SPATA17: variants seen among roughly 807,000 people sequenced by gnomAD.
The protein encoded by SPATA17 is spermatogenesis associated 17, also known as spermatogenesis-associated protein 17.
In SPATA17, 53 loss-of-function variants were observed where a neutral mutation model predicts 62.2. The ratio of observed to expected loss-of-function variants is 0.85; its 90% confidence interval spans 0.68 to 1.07. The LOEUF (loss-of-function observed/expected upper bound fraction) is 1.07. Among genes scored for constraint, SPATA17 ranks in the 50% least tolerant of loss-of-function variants. The probability of loss-of-function intolerance (pLI) is 0.00; values close to 1 mark genes in which losing one functional copy is unlikely to be tolerated. For missense variants in SPATA17, 466 were observed against 425.5 expected (o/e 1.10, Z -0.84); for synonymous variants, 146 against 146.8 (o/e 0.99, Z 0.04).
chr1:217,670,156 T>C (rs1203795310), intron 4 of SPATA17, among the ~76,000 whole-genome samples: 1 of 152,204 alleles, frequency 6.6e-6, no homozygotes, highest in Admixed American at 6.5e-5. Context: ...TCAGAGGTTT[T>C]GTACAGCTTT....
At chr1:217,689,414 T>C (rs887193805) in intron 5 of SPATA17, among the ~76,000 whole-genome samples, 1 of 151,762 alleles carries the variant, frequency 6.6e-6, no homozygotes, top group Non-Finnish European at 1.5e-5. Context: ...TTAATAGAGA[T>C]GGGGTTTCGC....
intron 9 of SPATA17, among the ~76,000 whole-genome samples, chr1:217,860,264 A>C (rs959985873): frequency 1.3e-5 from 2 of 152,122 alleles, no homozygotes; most frequent in Non-Finnish European, 2.9e-5. Context: ...CCAAGAGCAG[A>C]CGTTGTATGA....
intron 1 of SPATA17, among the ~76,000 whole-genome samples, chr1:217,642,338 C>A (rs984234354): frequency 7.2e-5 from 11 of 152,112 alleles, no homozygotes; most frequent in African/African-American, 2.7e-4. Context: ...AGTATAGACT[C>A]ATAGTTTCCT....
At chr1:217,707,801 A>T (rs991990130) in intron 5 of SPATA17, among the ~76,000 whole-genome samples, 1 of 152,230 alleles carries the variant, frequency 6.6e-6, no homozygotes, top group African/African-American at 2.4e-5. Context: ...CCTCACAATC[A>T]GCCCTAAAAC....
chr1:217,759,521 G>A (rs904162220), intron 6 of SPATA17, among the ~76,000 whole-genome samples: 2 of 152,064 alleles, frequency 1.3e-5, no homozygotes, highest in African/African-American at 4.8e-5. Context: ...ACTGAGTTAA[G>A]GAAAACCTTT....
At chr1:217,864,559 G>C (rs983016434) in intron 10 of SPATA17, among the ~76,000 whole-genome samples, 1 of 151,866 alleles carries the variant, frequency 6.6e-6, no homozygotes, top group African/African-American at 2.4e-5. Context: ...AAACACACTT[G>C]CACCCACTAT....
At chr1:217,808,780 G>A (rs564262257) in intron 9 of SPATA17, among the ~76,000 whole-genome samples, 2 of 151,888 alleles carry the variant, frequency 1.3e-5, no homozygotes, top group African/African-American at 4.8e-5. Flanking sequence ...GCTTGAACCT[G>A]GGAAGCAGAG....
intron 5 of SPATA17, among the ~76,000 whole-genome samples, chr1:217,736,652 A>G (rs1419658783): frequency 6.6e-6 from 1 of 152,178 alleles, no homozygotes; most frequent in African/African-American, 2.4e-5. Context: ...AGCAACATGA[A>G]GTGAGAGGGA....
chr1:217,639,848 A>G (rs1670018880), intron 1 of SPATA17, among the ~76,000 whole-genome samples: 1 of 152,078 alleles, frequency 6.6e-6, no homozygotes, highest in African/African-American at 2.4e-5. Flanking sequence ...TGGTCTCTCA[A>G]TGACATGTGC....
At chr1:217,820,987 C>A (rs1674845131) in intron 9 of SPATA17, among the ~76,000 whole-genome samples, 1 of 152,034 alleles carries the variant, frequency 6.6e-6, no homozygotes, top group African/African-American at 2.4e-5. Context: ...GCAAAGCAGG[C>A]ATGTGCAAAG....
At chr1:217,724,821 C>T (rs529069185) in intron 5 of SPATA17, among the ~76,000 whole-genome samples, 1 of 151,856 alleles carries the variant, frequency 6.6e-6, no homozygotes, top group Non-Finnish European at 1.5e-5. Context: ...TATATTTGTT[C>T]TGTTTGCCTA....
intron 6 of SPATA17, among the ~76,000 whole-genome samples, chr1:217,759,225 G>A (rs1158952789): frequency 2.0e-5 from 3 of 152,138 alleles, no homozygotes; most frequent in Non-Finnish European, 4.4e-5. Flanking sequence ...TTGGGAGGCC[G>A]AGGTGGGTGG....
chr1:217,815,804 G>T (rs549277138), intron 9 of SPATA17, among the ~76,000 whole-genome samples: 1 of 152,292 alleles, frequency 6.6e-6, no homozygotes, highest in South Asian at 2.1e-4. Context: ...TCGGTTTACT[G>T]GAGTGGACTG....
In SPATA17 at chr1:217,869,450, A is replaced by G. The variant is rs1676085739; in HGVS notation, c.*2431A>G. 1 of 152,172 alleles carries G rather than the reference A, an allele frequency of 6.6e-6. No individual in the cohort carries two copies. The allele number at this position is 152,172 out of a possible 1,614,324, so 9.4% of individuals were successfully genotyped here. A position where few individuals can be genotyped will look rare whatever the true frequency, so the allele number is the denominator to read the frequency against. On this transcript the variant is annotated 3_prime_UTR_variant, in exon 11 of 11. Coordinates refer to ENST00000366933, the MANE Select transcript of SPATA17 (RefSeq NM_138796.4). ...AAAGGTGTCAGACTCTTAGTAAATT[A>G]TCTCCTGGATCAGTGAAAAGATGTG...
chr1:217,811,621 C>G (rs113138175), intron 9 of SPATA17, among the ~76,000 whole-genome samples: 1 of 149,676 alleles, frequency 6.7e-6, no homozygotes, highest in Non-Finnish European at 1.5e-5. Context: ...TGAACTTGGG[C>G]GGCGGAGGTT....
intron 8 of SPATA17, among the ~76,000 whole-genome samples, chr1:217,800,687 T>C (rs113110376): frequency 1.1e-4 from 17 of 152,320 alleles, no homozygotes; most frequent in African/African-American, 4.1e-4. Flanking sequence ...CTGTTTCTCT[T>C]TGACATCTCA....
intron 8 of SPATA17, among the ~76,000 whole-genome samples, chr1:217,801,102 A>C (rs1265349233): frequency 6.6e-6 from 1 of 152,184 alleles, no homozygotes; most frequent in East Asian, 1.9e-4. Flanking sequence ...TTCAGCCTCC[A>C]TGTTAAATAC....
chr1:217,763,472 G>A (rs1367398773), intron 6 of SPATA17, among the ~76,000 whole-genome samples: 1 of 152,126 alleles, frequency 6.6e-6, no homozygotes, highest in Non-Finnish European at 1.5e-5. Flanking sequence ...AAAAAAATGT[G>A]GCTGCTGTGT....
intron 8 of SPATA17, among the ~76,000 whole-genome samples, chr1:217,786,142 T>C (rs1673855978): frequency 6.6e-6 from 1 of 152,160 alleles, no homozygotes; most frequent in Admixed American, 6.5e-5. Context: ...TCTAGGGACA[T>C]AGTGGTGAAT....
Sources: gnomAD v4.1 joint callset for allele counts (sites outside exome capture counted in the v4.1 genomes callset) on GRCh38, gnomAD v4.1.1 for gene constraint, MANE v1.5 for transcripts, NCBI Gene and HGNC (gene_info 2026-07-23, HGNC 2026-07-21) for gene names.